Variants in CPNE8 observed in about 807,000 individuals in gnomAD.
CPNE8 encodes the protein copine 8, also known as copine-8.
Under a neutral mutation model 81.5 loss-of-function variants are expected in CPNE8, and 45 were observed. The ratio of observed to expected loss-of-function variants is 0.55; its 90% CI spans 0.44 to 0.71. The LOEUF is 0.71. Ranked by LOEUF, CPNE8 falls within the 30% of genes least tolerant of loss-of-function variation. The pLI is 0.00. For missense variants in CPNE8, 594 were observed against 672.1 expected, an observed-to-expected ratio of 0.88 and a Z score of 1.28; for synonymous variants, 252 against 226.3, an observed-to-expected ratio of 1.11 and a Z score of -1.02.
chr12:38,785,663 T>C (rs181195864), intron 6 of CPNE8, among the ~76,000 whole-genome samples: 1 of 152,294 alleles, frequency 6.6e-6, no homozygotes, highest in Admixed American at 6.5e-5. Context: ...TAAACTTCTT[T>C]CCTTTATAAT....
At chr12:38,832,564 A>C (rs1261451778) in intron 5 of CPNE8, among the ~76,000 whole-genome samples, 1 of 152,202 alleles carries the variant, frequency 6.6e-6, no homozygotes, top group African/African-American at 2.4e-5. Context: ...GAAGCTGGGA[A>C]GTGTAAGGCT....
At chr12:38,690,622 G>A (rs1939652811) in intron 15 of CPNE8, among the ~76,000 whole-genome samples, 1 of 152,074 alleles carries the variant, frequency 6.6e-6, no homozygotes, top group African/African-American at 2.4e-5. Flanking sequence ...GTAGATACTT[G>A]TATAGCTTTG....
At chr12:38,812,926 C>T (rs1252622635) in intron 6 of CPNE8, among the ~76,000 whole-genome samples, 2 of 152,146 alleles carry the variant, frequency 1.3e-5, no homozygotes, top group Non-Finnish European at 2.9e-5. Flanking sequence ...ATAAATTACC[C>T]AATCTCAGGT....
At chr12:38,700,178 T>C (rs931918578) in intron 14 of CPNE8, among the ~76,000 whole-genome samples, 1 of 151,778 alleles carries the variant, frequency 6.6e-6, no homozygotes, top group African/African-American at 2.4e-5. Context: ...TTTTCACCAC[T>C]AAGTATCATG....
At chr12:38,763,460 G>C (rs1365041822) in intron 8 of CPNE8, among the ~76,000 whole-genome samples, 2 of 152,208 alleles carry the variant, frequency 1.3e-5, no homozygotes, top group Non-Finnish European at 2.9e-5. Context: ...GCCCATTTAA[G>C]TTTAACATCA....
At chr12:38,796,173 G>C (rs542769309) in intron 6 of CPNE8, among the ~76,000 whole-genome samples, 1 of 152,224 alleles carries the variant, frequency 6.6e-6, no homozygotes, top group Non-Finnish European at 1.5e-5. Context: ...TGTAATTCCA[G>C]CTACTTGGGA....
chr12:38,806,951 C>T (rs1348226871), intron 6 of CPNE8, among the ~76,000 whole-genome samples: 9 of 150,068 alleles, frequency 6.0e-5, no homozygotes, highest in Non-Finnish European at 6.0e-5. Context: ...TTCTTACACA[C>T]CAACAACAGA....
At chr12:38,705,906 T>C (rs956939925) in intron 13 of CPNE8, among the ~76,000 whole-genome samples, 3 of 152,000 alleles carry the variant, frequency 2.0e-5, no homozygotes, top group Admixed American at 6.6e-5. Context: ...ACACACATAA[T>C]ATATATATAC....
intron 12 of CPNE8, 43 bp from the exon 13 acceptor site, chr12:38,723,876 C>A (rs200515660): frequency 9.2e-7 from 1 of 1,087,988 alleles, no homozygotes; most frequent in Non-Finnish European, 1.4e-6. Context: ...TTGTTTGTGA[C>A]CCCAAATAGA....
chr12:38,795,015 C>T lies in CPNE8; in HGVS notation c.408-18714G>A, dbSNP rs1372486740. 2.0e-5 allele frequency among the ~76,000 whole-genome samples: 3 copies of T among 152,202 alleles called. No homozygotes were observed. The South Asian group carries it at 6.2e-4, about 31-fold the overall frequency. ...CTTCTTCTTTCTCCTGTGCTGGATA[C>T]TTCCTGCCCTCCAATATGAGACCCC... On this transcript the variant is annotated intron_variant, in intron 6 of 19. Transcript: ENST00000331366.
intron 1 of CPNE8, among the ~76,000 whole-genome samples, chr12:38,881,778 A>G (rs78683020): frequency 2.0e-3 from 299 of 152,330 alleles, no homozygotes; most frequent in African/African-American, 6.7e-3. Flanking sequence ...TGAGATAAAT[A>G]CAAGAACCTA....
chr12:38,796,627 C>T (rs141799307), intron 6 of CPNE8, among the ~76,000 whole-genome samples: 2,408 of 152,142 alleles, frequency 0.016, 58 homozygotes, highest in African/African-American at 0.052. Flanking sequence ...ACGCAGAAGA[C>T]GGGGGATTTC....
At chr12:38,832,154 G>C (rs540240636) in intron 5 of CPNE8, among the ~76,000 whole-genome samples, 1 of 152,322 alleles carries the variant, frequency 6.6e-6, no homozygotes, top group South Asian at 2.1e-4. Context: ...GCTAGTCCTA[G>C]CTGATTGGCC....
intron 6 of CPNE8, among the ~76,000 whole-genome samples, chr12:38,786,438 G>T (rs1201801960): frequency 2.6e-5 from 4 of 152,068 alleles, no homozygotes. Context: ...AGAGAGACCG[G>T]CCTAACCTCC....
intron 10 of CPNE8, among the ~76,000 whole-genome samples, chr12:38,745,774 G>A (rs1295677356): frequency 1.3e-5 from 2 of 152,130 alleles, no homozygotes; most frequent in Non-Finnish European, 2.9e-5. Flanking sequence ...CAAACTCCTG[G>A]GCTCAAGCAA....
At chr12:38,825,738 G>A (rs1943178822) in intron 6 of CPNE8, among the ~76,000 whole-genome samples, 1 of 152,138 alleles carries the variant, frequency 6.6e-6, no homozygotes, top group Non-Finnish European at 1.5e-5. Flanking sequence ...TTTCATTAAA[G>A]CCAGTCTTTT....
chr12:38,743,633 T>A (rs1326397636), intron 10 of CPNE8, among the ~76,000 whole-genome samples: 1 of 152,110 alleles, frequency 6.6e-6, no homozygotes, highest in East Asian at 1.9e-4. Context: ...ATTATGAGTA[T>A]CTAAAACTAC....
intron 10 of CPNE8, among the ~76,000 whole-genome samples, chr12:38,737,097 A>G (rs1940973254): frequency 6.6e-6 from 1 of 151,886 alleles, no homozygotes; most frequent in African/African-American, 2.4e-5. Context: ...AGTAAGTTGT[A>G]ATTTTTTTCA....
chr12:38,787,284 G>C (rs567858310), intron 6 of CPNE8, among the ~76,000 whole-genome samples: 36 of 151,888 alleles, frequency 2.4e-4, no homozygotes, highest in African/African-American at 8.4e-4. Flanking sequence ...AATAAAACTA[G>C]ATATCAACCA....
Sources: gnomAD v4.1 joint callset for allele counts (sites outside exome capture counted in the v4.1 genomes callset) on GRCh38, gnomAD v4.1.1 for gene constraint, MANE v1.5 for transcripts, NCBI Gene and HGNC (gene_info 2026-07-23, HGNC 2026-07-21) for gene names.